The following DST variants were observed in gnomAD, a reference collection of about 807,000 sequenced individuals.
DST encodes dystonin, also known as bullous pemphigoid antigen.
In DST, 253 loss-of-function variants were observed where a neutral mutation model predicts 875.2. The ratio of observed to expected loss-of-function variants is 0.29; its 90% confidence interval spans 0.26 to 0.32. The LOEUF is 0.32. Ranked by LOEUF, DST falls within the 10% of genes least tolerant of loss-of-function variation. The pLI is 1.00. For synonymous variants in DST, 3,124 were observed against 3,197.1 expected, an observed-to-expected ratio of 0.98 and a Z score of 0.77; for missense variants, 8,287 against 9,111.6, an observed-to-expected ratio of 0.91 and a Z score of 3.68.
Position 56,592,210 on chromosome 6 carries a change from T to C in DST, c.12875A>G (p.Asn4292Ser). 6.2e-7 allele frequency: 1 copy of C among 1,613,352 alleles called. No homozygotes were observed. Among genetic ancestry groups the C allele is most frequent in the Non-Finnish European group, 8.5e-7 (1 of 1,179,608 alleles). ...GGTCTCTTCTAATTGCCTTTGAAGA[T>C]TTTTGGGGTCCACCGCAATAGGTTC... ...LSEPIAVDPK[N>S]LQRQLEETKA... Residue 4292 changes from asparagine (N) to serine (S), a missense_variant, in exon 49 of 104, where the codon AAT (asparagine) becomes AGT (serine). Physicochemically the swap from Asn to Ser is conservative, Grantham distance 46. This residue lies in a region of DST where 1,513 missense variants were observed against 1,677.8 expected (regional missense o/e 0.90). Coordinates refer to ENST00000680361, the MANE Select transcript of DST (RefSeq NM_001374736.1).
chr6:56,692,076 CAA>C (rs1273998694), intron 9 of DST, among the ~76,000 whole-genome samples: 2 of 152,164 alleles, frequency 1.3e-5, no homozygotes, highest in African/African-American at 2.4e-5. Flanking sequence ...ATTCCACAGG[CAA>C]AGTCAAGAAT....
intron 4 of DST, among the ~76,000 whole-genome samples, chr6:56,810,967 A>G (rs764623195): frequency 6.6e-6 from 1 of 151,978 alleles, no homozygotes; most frequent in Non-Finnish European, 1.5e-5. Flanking sequence ...GGATCGTTTG[A>G]GCCCAGGAGT....
intron 3 of DST, among the ~76,000 whole-genome samples, chr6:56,858,331 A>G (rs896598812): frequency 6.6e-6 from 1 of 151,236 alleles, no homozygotes; most frequent in Non-Finnish European, 1.5e-5. Context: ...AGCCTATGAA[A>G]GAACACTGGA....
rs1275661720 is a variant in DST at position 56,616,864 on chromosome 6, G to A, written c.4930-2380C>T. Reference sequence around the variant, plus strand: ...CAAGAAGCCTAATTCTGAATTCGGGGTCAACAACTCCTTTAAGAACTGCAT... The same window carrying A: ...CAAGAAGCCTAATTCTGAATTCGGGATCAACAACTCCTTTAAGAACTGCAT... On this transcript the variant is annotated intron_variant, in intron 36 of 103. Transcript: ENST00000680361. 3.1e-6 allele frequency: 5 copies of A among 1,613,956 alleles called. No individual in the cohort carries two copies. Among genetic ancestry groups the A allele is most frequent in the Admixed American group, 3.3e-5 (2 of 59,990 alleles).
intron 100 of DST, 178 bp from the exon 101 acceptor site, chr6:56,463,942 A>G (rs188758419): frequency 1.4e-6 from 1 of 739,130 alleles, no homozygotes; most frequent in East Asian, 2.6e-5. Flanking sequence ...ATTCCTTTAC[A>G]ATGCATTCCT....
chr6:56,670,133 C>CATGT (rs1554600648), intron 10 of DST, among the ~76,000 whole-genome samples: 1 of 146,198 alleles, frequency 6.8e-6, no homozygotes, highest in African/African-American at 2.5e-5. Flanking sequence ...AGCGCCCGTG[C>CATGT]GTGTGTGTGT....
intron 89 of DST, 95 bp from the exon 90 acceptor site, chr6:56,482,273 T>TA: frequency 7.4e-7 from 1 of 1,345,796 alleles, no homozygotes. Flanking sequence ...ATCCCTTCAA[T>TA]GAAAAAAAAA....
rs778308562 is a variant in DST at position 56,578,817 on chromosome 6, G to C, written c.13024C>G (p.Leu4342Val). ...LPAKNDIQKTLDDIVGRYEDL... is the reference protein window; with the variant it reads ...LPAKNDIQKTVDDIVGRYEDL... Reference sequence around the variant, plus strand: ...AGCAAGGACATGAATATCTTACCAAGTGTTTTCTGGATATCATTCTTGGCT... The same window carrying C: ...AGCAAGGACATGAATATCTTACCAACTGTTTTCTGGATATCATTCTTGGCT... Residue 4342 changes from leucine to valine, a missense_variant, in exon 50 of 104, where the codon CTT becomes GTT. Coordinates refer to ENST00000680361, the MANE Select transcript of DST (RefSeq NM_001374736.1). 14 of 1,611,968 alleles carry C rather than the reference G, an allele frequency of 8.7e-6. No individual in the cohort carries two copies. In the East Asian group the frequency reaches 2.9e-4, roughly 33 times the overall value.
intron 26 of DST, 21 bp from the exon 27 acceptor site, chr6:56,634,279 C>G: frequency 6.2e-7 from 1 of 1,613,644 alleles, no homozygotes; most frequent in Non-Finnish European, 8.5e-7. Context: ...TGAAAGAGAA[C>G]TCAGATTAAT....
chr6:56,847,239 G>A (rs2099808137), intron 4 of DST, among the ~76,000 whole-genome samples: 1 of 152,146 alleles, frequency 6.6e-6, no homozygotes, highest in African/African-American at 2.4e-5. Flanking sequence ...AGGATCCCTT[G>A]AGTCCAGGAC....
chr6:56,829,103 G>T (rs925383960), intron 4 of DST, among the ~76,000 whole-genome samples: 3 of 152,104 alleles, frequency 2.0e-5, no homozygotes, highest in Non-Finnish European at 4.4e-5. Flanking sequence ...AAAGTACTAT[G>T]AAAAAAATCT....
Position 56,620,502 on chromosome 6 carries a change from T to G in DST, c.4929+4028A>C, listed in dbSNP as rs774579203. ...TTCTGCAGAGAGATATCTTCTACAT[T>G]TCTCTGCTGCTTTCTCAATTCATTT... On this transcript the variant is annotated intron_variant, in intron 36 of 103. Transcript: ENST00000680361. 5 of 1,614,092 alleles carry G rather than the reference T, an allele frequency of 3.1e-6. No homozygotes were observed. In the South Asian group the frequency reaches 5.5e-5, roughly 18 times the overall value.
At chr6:56,490,728 C>A (rs2095708597) in intron 85 of DST, among the ~76,000 whole-genome samples, 1 of 152,076 alleles carries the variant, frequency 6.6e-6, no homozygotes, top group Non-Finnish European at 1.5e-5. Context: ...AACAGCTAGT[C>A]AAGGTGTTAG....
At chr6:56,627,104 C>T (rs2098741694) in intron 34 of DST, 100 bp downstream of exon 34, 4 of 938,724 alleles carry the variant, frequency 4.3e-6, no homozygotes, top group Middle Eastern at 2.6e-4. Flanking sequence ...AATGAAGATT[C>T]TTTTAAACAC....
intron 2 of DST, among the ~76,000 whole-genome samples, chr6:56,924,767 A>G (rs982642514): frequency 2.6e-5 from 4 of 152,156 alleles, no homozygotes; most frequent in Non-Finnish European, 5.9e-5. Flanking sequence ...CAAGAAGCCC[A>G]TACTTCTTAT....
chr6:56,774,215 C>G (rs1019797704), intron 4 of DST, among the ~76,000 whole-genome samples: 1 of 151,854 alleles, frequency 6.6e-6, no homozygotes, highest in Non-Finnish European at 1.5e-5. Flanking sequence ...ACTGAGAAAG[C>G]TGACATTCAC....
Position 56,604,298 on chromosome 6 carries a change from G to A in DST, c.10330C>T (p.Leu3444Phe). ...TCTTGCTTCAATATATTAAGGAGAA[G>A]CTCAGACTTAAGATTTCCAATACAG... is the stretch of plus-strand genomic sequence containing the variant. Reference protein sequence around the residue: ...PFCIGNLKSELLLNILKQDQH... With the variant: ...PFCIGNLKSEFLLNILKQDQH... The change falls in exon 40 of 104, where the codon CTT (leucine) becomes TTT (phenylalanine). Residue 3444 changes from leucine (L) to phenylalanine (F), a missense_variant. Physicochemically the swap from Leu to Phe is conservative, Grantham distance 22. Around this residue, in one of 10 missense-constraint regions of DST, gnomAD observed 3,138 missense variants for 3,116.6 expected, o/e 1.01. Coordinates refer to ENST00000680361, the MANE Select transcript of DST (RefSeq NM_001374736.1). 3 of 1,612,208 alleles carry A rather than the reference G, an allele frequency of 1.9e-6. No individual in the cohort carries two copies. The highest frequency in any genetic ancestry group is 2.2e-5 in the East Asian group (1 of 44,810).
intron 61 of DST, among the ~76,000 whole-genome samples, chr6:56,549,421 T>C (rs977160489): frequency 1.3e-5 from 2 of 152,154 alleles, no homozygotes; most frequent in African/African-American, 2.4e-5. Flanking sequence ...TTTAAAAAAC[T>C]TTCCAAAAAT....
chr6:56,881,009 G>A (rs1007365093), intron 3 of DST, among the ~76,000 whole-genome samples: 6 of 150,382 alleles, frequency 4.0e-5, no homozygotes, highest in Admixed American at 6.6e-5. Flanking sequence ...CACCACGCCC[G>A]GCTAATTTTT....
Sources: allele counts gnomAD v4.1 joint callset (sites outside exome capture counted in the v4.1 genomes callset), GRCh38; gene constraint gnomAD v4.1.1; regional missense constraint gnomAD v4.1.1; transcripts MANE v1.5; gene names NCBI Gene and HGNC (gene_info 2026-07-23, HGNC 2026-07-21).